SCHIP1: variants seen among roughly 807,000 people sequenced by gnomAD.
The protein encoded by SCHIP1 is schwannomin-interacting protein 1.
A neutral mutation model predicts 29.7 loss-of-function variants in SCHIP1; 8 were observed. That is an observed-to-expected ratio of 0.27 (90% CI 0.16 to 0.49). SCHIP1 has a LOEUF of 0.49. Ranked by LOEUF, SCHIP1 falls within the 20% of genes least tolerant of loss-of-function variation. The pLI, the probability that SCHIP1 is intolerant of heterozygous loss-of-function variation, is 0.99. For missense variants in SCHIP1, 193 were observed against 294.6 expected (o/e 0.66, Z 2.52); for synonymous variants, 76 against 94.9 (o/e 0.80, Z 1.16).
the SCHIP1 span, among the ~76,000 whole-genome samples, chr3:159,663,998 C>A: frequency 2.6e-5 from 4 of 152,100 alleles, no homozygotes; most frequent in African/African-American, 9.7e-5. Context: ...AAAATAAAAA[C>A]AAAGTTTAAA....
At chr3:159,418,928 C>T in the SCHIP1 span, among the ~76,000 whole-genome samples, 2 of 152,182 alleles carry the variant, frequency 1.3e-5, no homozygotes, top group African/African-American at 4.8e-5. Flanking sequence ...CAGAGTGTTG[C>T]CTTTTATGTA....
At chr3:159,695,964 T>C in the SCHIP1 span, among the ~76,000 whole-genome samples, 1 of 152,136 alleles carries the variant, frequency 6.6e-6, no homozygotes, top group South Asian at 2.1e-4. Context: ...GCCTGACTTA[T>C]TGCCCTACCG....
chr3:159,823,003 GA>G, the SCHIP1 span, among the ~76,000 whole-genome samples: 2 of 152,062 alleles, frequency 1.3e-5, no homozygotes, highest in Non-Finnish European at 2.9e-5. Context: ...ACAGTGAAAG[GA>G]ACGCTTATGA....
chr3:159,815,691 T>A, the SCHIP1 span, among the ~76,000 whole-genome samples: 4 of 152,236 alleles, frequency 2.6e-5, no homozygotes, highest in African/African-American at 9.6e-5. Flanking sequence ...CAAAAGTAAC[T>A]CATCATCATC....
At chr3:159,713,779 T>G in the SCHIP1 span, among the ~76,000 whole-genome samples, 1 of 152,220 alleles carries the variant, frequency 6.6e-6, no homozygotes, top group African/African-American at 2.4e-5. Context: ...GAGGAATAGG[T>G]GGCCTCTCCA....
chr3:159,705,683 C>G, the SCHIP1 span, among the ~76,000 whole-genome samples: 1 of 151,564 alleles, frequency 6.6e-6, no homozygotes. Flanking sequence ...GTGAGAATGC[C>G]GCTCTAAGGA....
the SCHIP1 span, among the ~76,000 whole-genome samples, chr3:159,811,657 T>C: frequency 6.6e-6 from 1 of 152,242 alleles, no homozygotes; most frequent in Admixed American, 6.5e-5. Flanking sequence ...TCTACCCTTA[T>C]GCCAGTACCA....
chr3:159,671,357 G>A, the SCHIP1 span, among the ~76,000 whole-genome samples: 1 of 152,104 alleles, frequency 6.6e-6, no homozygotes, highest in Non-Finnish European at 1.5e-5. Context: ...CCTAGGCAGT[G>A]TCAGCTTTTC....
exon 4 of SCHIP1, chr3:159,887,718 G>C (rs1322157002): frequency 6.2e-7 from 1 of 1,613,868 alleles, no homozygotes; most frequent in Non-Finnish European, 8.5e-7. Context: ...AGCAAACAGA[G>C]TTCTTCCTAT....
the SCHIP1 span, among the ~76,000 whole-genome samples, chr3:159,796,266 C>G: frequency 6.6e-6 from 1 of 151,798 alleles, no homozygotes; most frequent in African/African-American, 2.4e-5. Context: ...CGAACTAAGA[C>G]AAGTTGGGGG....
chr3:159,289,891 T>A, the SCHIP1 span, among the ~76,000 whole-genome samples: 1 of 152,218 alleles, frequency 6.6e-6, no homozygotes, highest in Non-Finnish European at 1.5e-5. Context: ...ACGGAAAATC[T>A]TGGGAACATT....
At chr3:159,433,945 T>C in the SCHIP1 span, among the ~76,000 whole-genome samples, 1 of 152,302 alleles carries the variant, frequency 6.6e-6, no homozygotes, top group South Asian at 2.1e-4. Context: ...CCTGCCTCCA[T>C]GCTCTAGTAA....
the SCHIP1 span, among the ~76,000 whole-genome samples, chr3:159,396,795 T>C: frequency 6.6e-6 from 1 of 151,956 alleles, no homozygotes. Flanking sequence ...GACAATTATG[T>C]GTCCTGGAGT....
At chr3:159,721,871 C>A in the SCHIP1 span, 1 of 411,336 alleles carries the variant, frequency 2.4e-6, no homozygotes, top group Admixed American at 2.9e-5. Context: ...GGATGCCACT[C>A]AGCATCTGGC....
chr3:159,813,447 T>G, the SCHIP1 span, among the ~76,000 whole-genome samples: 1 of 152,048 alleles, frequency 6.6e-6, no homozygotes, highest in Non-Finnish European at 1.5e-5. Context: ...GAAGGATCTC[T>G]TGAGCCCAGG....
the SCHIP1 span, among the ~76,000 whole-genome samples, chr3:159,286,811 G>A: frequency 6.6e-6 from 1 of 152,044 alleles, no homozygotes; most frequent in Non-Finnish European, 1.5e-5. Flanking sequence ...GATTTACATT[G>A]CTCTAATGAT....
the SCHIP1 span, among the ~76,000 whole-genome samples, chr3:159,434,678 G>C: frequency 6.6e-6 from 1 of 152,144 alleles, no homozygotes; most frequent in Admixed American, 6.6e-5. Flanking sequence ...ATCTACTTTA[G>C]ATCATCTAAG....
At chr3:159,601,411 G>A in the SCHIP1 span, among the ~76,000 whole-genome samples, 13 of 152,204 alleles carry the variant, frequency 8.5e-5, no homozygotes, top group African/African-American at 2.9e-4. Flanking sequence ...TTAGCATGAA[G>A]TCTCAGCACA....
intron 1 of SCHIP1, among the ~76,000 whole-genome samples, chr3:159,860,339 C>T (rs1438196462): frequency 6.6e-6 from 1 of 152,144 alleles, no homozygotes; most frequent in Non-Finnish European, 1.5e-5. Flanking sequence ...GAGAAGATCT[C>T]CTGCAAAACC....
Sources: gnomAD v4.1 joint callset for allele counts (sites outside exome capture counted in the v4.1 genomes callset) on GRCh38, gnomAD v4.1.1 for gene constraint, MANE v1.5 for transcripts, NCBI Gene and HGNC (gene_info 2026-07-23, HGNC 2026-07-21) for gene names.